SRGAP1: variants seen among roughly 807,000 people sequenced by gnomAD.
SRGAP1 encodes SLIT-ROBO Rho GTPase-activating protein 1.
Under a neutral mutation model 121.9 loss-of-function variants are expected in SRGAP1, and 43 were observed. That is an observed-to-expected ratio of 0.35 (90% CI 0.28 to 0.46). The LOEUF is 0.46. Among genes scored for constraint, SRGAP1 ranks in the 20% least tolerant of loss-of-function variants. The pLI is 1.00. For synonymous variants in SRGAP1, 447 were observed against 485.4 expected (o/e 0.92, Z 1.04); for missense variants, 1,102 against 1,350.9 (o/e 0.82, Z 2.89).
rs1305746499 is a variant in SRGAP1, at chr12:63,861,300, A to ATTTTT, written c.67+16418_67+16419insTTTTT. On this transcript the variant is annotated intron_variant, in intron 1 of 21. Transcript: ENST00000355086. The stretch of plus-strand genomic sequence containing the variant: ...AGGGATGGTAGGCATATATATATAT[A>ATTTTT]TATTTTTTTTTTTTTTTGAGGCAAA... 1.4e-4 allele frequency among the ~76,000 whole-genome samples: 18 copies of ATTTTT among 125,824 alleles called. No individual in the cohort carries two copies. The East Asian group carries it at 4.3e-3, about 30-fold the overall frequency. The allele number at this position is 125,824 out of a possible 152,430, so 82.5% of individuals were successfully genotyped here.
intron 21 of SRGAP1, among the ~76,000 whole-genome samples, chr12:64,128,690 T>G (rs1234714537): frequency 1.3e-5 from 2 of 152,180 alleles, no homozygotes; most frequent in Non-Finnish European, 2.9e-5. Context: ...AAACCCCTAC[T>G]GTATATGATA....
intron 1 of SRGAP1, among the ~76,000 whole-genome samples, chr12:63,963,534 C>T (rs141034885): frequency 2.6e-4 from 39 of 152,292 alleles, no homozygotes; most frequent in African/African-American, 9.1e-4. Context: ...ATCATTTCTT[C>T]GTGTTGGGAA....
intron 1 of SRGAP1, among the ~76,000 whole-genome samples, chr12:63,875,215 A>G (rs1461128363): frequency 2.0e-5 from 3 of 152,214 alleles, no homozygotes; most frequent in South Asian, 2.1e-4. Context: ...CTTAAAGACC[A>G]TATCCGTCAA....
At chr12:63,895,047 C>T (rs1409015314) in intron 1 of SRGAP1, among the ~76,000 whole-genome samples, 6 of 152,298 alleles carry the variant, frequency 3.9e-5, no homozygotes, top group East Asian at 1.9e-4. Context: ...CTTGAGGAAT[C>T]GCCACACTGT....
At chr12:63,878,324 G>A (rs763130688) in intron 1 of SRGAP1, among the ~76,000 whole-genome samples, 1 of 152,154 alleles carries the variant, frequency 6.6e-6, no homozygotes, top group Non-Finnish European at 1.5e-5. Flanking sequence ...AAGACTAGTG[G>A]TAGACAATAT....
intron 1 of SRGAP1, among the ~76,000 whole-genome samples, chr12:63,857,354 C>T (rs1899288571): frequency 6.7e-6 from 1 of 150,306 alleles, no homozygotes; most frequent in East Asian, 2.0e-4. Context: ...GCTGGGATTA[C>T]AGGTGTGAGC....
intron 21 of SRGAP1, among the ~76,000 whole-genome samples, chr12:64,135,559 G>A (rs553042913): frequency 1.2e-4 from 18 of 152,020 alleles, no homozygotes; most frequent in Admixed American, 7.2e-4. Flanking sequence ...TATTATGTAC[G>A]GAGTCACTAA....
At chr12:63,949,067 ATTTTC>A (rs1261415915) in intron 1 of SRGAP1, among the ~76,000 whole-genome samples, 96 of 143,760 alleles carry the variant, frequency 6.7e-4, no homozygotes, top group African/African-American at 2.2e-3. Flanking sequence ...CCATATATGT[ATTTTC>A]CATATATGTA....
chr12:63,924,009 C>T (rs1048502396), intron 1 of SRGAP1, among the ~76,000 whole-genome samples: 3 of 151,992 alleles, frequency 2.0e-5, no homozygotes, highest in Non-Finnish European at 4.4e-5. Flanking sequence ...GGTGTGGTGG[C>T]GGGTACCTGT....
intron 1 of SRGAP1, among the ~76,000 whole-genome samples, chr12:63,952,263 G>A (rs1307815934): frequency 1.3e-5 from 2 of 152,228 alleles, no homozygotes; most frequent in Non-Finnish European, 2.9e-5. Context: ...CTGTAATCCA[G>A]CATTTGGGGA....
intron 1 of SRGAP1, among the ~76,000 whole-genome samples, chr12:63,957,031 G>A (rs901511217): frequency 3.9e-5 from 6 of 152,120 alleles, no homozygotes; most frequent in African/African-American, 1.4e-4. Flanking sequence ...CATCCATGTT[G>A]TAGCATGTAC....
intron 21 of SRGAP1, among the ~76,000 whole-genome samples, chr12:64,129,631 A>G (rs991138669): frequency 1.3e-5 from 2 of 152,196 alleles, no homozygotes; most frequent in Admixed American, 6.5e-5. Flanking sequence ...TCAAATAAAA[A>G]CAATAATGTC....
chr12:64,072,699 A>G (rs2035665011), intron 8 of SRGAP1, among the ~76,000 whole-genome samples: 1 of 152,182 alleles, frequency 6.6e-6, no homozygotes, highest in Admixed American at 6.5e-5. Context: ...TCAGACATCT[A>G]GCCTCCCACA....
At chr12:64,058,757 T>A (rs1479090063) in intron 6 of SRGAP1, among the ~76,000 whole-genome samples, 1 of 152,096 alleles carries the variant, frequency 6.6e-6, no homozygotes, top group Non-Finnish European at 1.5e-5. Context: ...ACTCTAAACC[T>A]TTTTAACCAA....
chr12:64,006,244 A>C (rs2034078207), intron 3 of SRGAP1, among the ~76,000 whole-genome samples: 2 of 152,192 alleles, frequency 1.3e-5, no homozygotes, highest in South Asian at 4.1e-4. Flanking sequence ...TGAATTTCTG[A>C]TCCAGCCTAG....
chr12:64,115,299 A>G (rs1041446349), intron 17 of SRGAP1, among the ~76,000 whole-genome samples: 1 of 152,344 alleles, frequency 6.6e-6, no homozygotes, highest in East Asian at 1.9e-4. Context: ...CTGTCTTTAT[A>G]GAGTTGTAAA....
chr12:63,996,877 A>G (rs952879699), intron 3 of SRGAP1, among the ~76,000 whole-genome samples: 1 of 152,130 alleles, frequency 6.6e-6, no homozygotes, highest in African/African-American at 2.4e-5. Context: ...AAACTAAACT[A>G]TCATTTTTTG....
chr12:64,096,327 C>G (rs1019107403), intron 14 of SRGAP1, among the ~76,000 whole-genome samples: 1 of 151,990 alleles, frequency 6.6e-6, no homozygotes, highest in African/African-American at 2.4e-5. Context: ...AACAACAGAT[C>G]CCTAAAAATA....
At chr12:64,080,102 G>T (rs974314874) in intron 9 of SRGAP1, among the ~76,000 whole-genome samples, 184 bp from the exon 10 acceptor site, 11 of 152,026 alleles carry the variant, frequency 7.2e-5, no homozygotes, top group Admixed American at 6.6e-4. Context: ...AATTAGCCAG[G>T]TGTGGTGGCG....
Sources: gnomAD v4.1 joint callset for allele counts (sites outside exome capture counted in the v4.1 genomes callset) on GRCh38, gnomAD v4.1.1 for gene constraint, MANE v1.5 for transcripts, NCBI Gene and HGNC (gene_info 2026-07-23, HGNC 2026-07-21) for gene names.